Variants in IL15 observed in about 807,000 individuals in gnomAD.
IL15 encodes interleukin 15, also known as interleukin-15.
A neutral mutation model predicts 19.6 loss-of-function variants in IL15; 11 were observed. That is an observed-to-expected ratio of 0.56 (90% confidence interval 0.35 to 0.93). The LOEUF (loss-of-function observed/expected upper bound fraction) is 0.93. Among genes scored for constraint, IL15 ranks in the 40% least tolerant of loss-of-function variants. IL15 has a pLI of 0.01. For missense variants in IL15, 197 were observed against 186.5 expected (o/e 1.06, Z -0.33); for synonymous variants, 58 against 59.6 (o/e 0.97, Z 0.12).
intron 2 of IL15, 93 bp downstream of exon 2, chr4:141,656,400 A>C (rs148241460): frequency 5.3e-5 from 21 of 395,308 alleles, no homozygotes; most frequent in Non-Finnish European, 4.9e-5. Context: ...AAACAGGTGA[A>C]GTTATATATA....
intron 2 of IL15, among the ~76,000 whole-genome samples, chr4:141,697,136 C>T (rs1171877574): frequency 2.0e-5 from 3 of 151,880 alleles, no homozygotes; most frequent in Admixed American, 1.3e-4. Flanking sequence ...AATTTGTATG[C>T]TTTCAGCTCT....
intron 2 of IL15, among the ~76,000 whole-genome samples, chr4:141,713,187 G>A (rs1729765614): frequency 6.6e-6 from 1 of 152,116 alleles, no homozygotes; most frequent in African/African-American, 2.4e-5. Flanking sequence ...GAAAGCAATT[G>A]CTGAAAATGT....
chr4:141,671,408 C>T (rs1358101923), intron 2 of IL15, among the ~76,000 whole-genome samples: 1 of 152,098 alleles, frequency 6.6e-6, no homozygotes, highest in Non-Finnish European at 1.5e-5. Context: ...TTCTGAATCT[C>T]GTGATTTAAA....
Position 141,721,981 on chromosome 4 carries a change from T to C in IL15, c.168T>C (p.Asp56=). 1.3e-6 allele frequency: 2 copies of C among 1,592,618 alleles called. No homozygotes were observed. The highest frequency in any genetic ancestry group is 2.3e-5 in the South Asian group (2 of 88,828). ...TEANWVNVIS[D]LKKIEDLIQS... ...CCAACTGGGTGAATGTAATAAGTGATTTGAAAAAAATTGAAGATCTTATTC... is the reference window on the plus strand; with the variant it reads ...CCAACTGGGTGAATGTAATAAGTGACTTGAAAAAAATTGAAGATCTTATTC... The change falls in exon 5 of 8, where the codon GAT becomes GAC. Residue 56 remains aspartate (D), a synonymous_variant. Coordinates refer to ENST00000320650, the MANE Select transcript of IL15 (RefSeq NM_000585.5).
intron 2 of IL15, among the ~76,000 whole-genome samples, chr4:141,679,708 C>G (rs1031283817): frequency 6.6e-6 from 1 of 152,122 alleles, no homozygotes; most frequent in Non-Finnish European, 1.5e-5. Flanking sequence ...GCCAACATGG[C>G]TACACAATGT....
At chr4:141,720,396 T>C (rs1374926134) in intron 3 of IL15, 73 bp from the exon 4 acceptor site, 2 of 757,972 alleles carry the variant, frequency 2.6e-6, no homozygotes, top group African/African-American at 3.5e-5. Context: ...CCTAAAAATA[T>C]GTTGACATGT....
intron 2 of IL15, among the ~76,000 whole-genome samples, chr4:141,678,018 G>A (rs575782961): frequency 6.6e-6 from 1 of 152,226 alleles, no homozygotes; most frequent in South Asian, 2.1e-4. Flanking sequence ...TTCATCAGAG[G>A]GCCTAATTTT....
chr4:141,666,716 T>G (rs1727998826), intron 2 of IL15, among the ~76,000 whole-genome samples: 1 of 151,948 alleles, frequency 6.6e-6, no homozygotes, highest in Non-Finnish European at 1.5e-5. Flanking sequence ...AAACTAAAAA[T>G]ATACTCTCAT....
chr4:141,648,964 G>A (rs189227823), intron 1 of IL15, among the ~76,000 whole-genome samples: 4 of 152,186 alleles, frequency 2.6e-5, no homozygotes, highest in South Asian at 2.1e-4. Context: ...ATAAAAAGAC[G>A]CAGCACATTT....
chr4:141,720,803 G>A, intron 4 of IL15: 1 of 551,522 alleles, frequency 1.8e-6, no homozygotes, highest in Non-Finnish European at 3.2e-6. Context: ...AATAAATTGG[G>A]CCTTTTGATA....
intron 2 of IL15, among the ~76,000 whole-genome samples, chr4:141,703,616 AT>A (rs1000724257): frequency 2.7e-5 from 4 of 147,946 alleles, no homozygotes; most frequent in South Asian, 2.1e-4. Flanking sequence ...GGGAACTTTT[AT>A]TTTTTTTCCT....
At chr4:141,698,097 TA>T (rs1437558017) in intron 2 of IL15, among the ~76,000 whole-genome samples, 2 of 152,278 alleles carry the variant, frequency 1.3e-5, no homozygotes, top group African/African-American at 4.8e-5. Flanking sequence ...GAGATGATCA[TA>T]TGGTTTTTGT....
chr4:141,719,116 T>C, intron 2 of IL15: 1 of 213,730 alleles, frequency 4.7e-6, no homozygotes, highest in Non-Finnish European at 9.2e-6. Flanking sequence ...AAAGCTTTGC[T>C]AAGGCATTGT....
intron 2 of IL15, 34 bp downstream of exon 2, chr4:141,656,341 A>G: frequency 2.5e-6 from 1 of 397,930 alleles, no homozygotes; most frequent in Non-Finnish European, 4.4e-6. Flanking sequence ...ATCATGCAAT[A>G]CAGATACTTT....
At chr4:141,648,474 A>C (rs1349149986) in intron 1 of IL15, among the ~76,000 whole-genome samples, 1 of 152,030 alleles carries the variant, frequency 6.6e-6, no homozygotes, top group Non-Finnish European at 1.5e-5. Context: ...GAGTATTTTG[A>C]GAAGTTATTT....
At chr4:141,650,781 C>T (rs1727377736) in intron 1 of IL15, among the ~76,000 whole-genome samples, 1 of 152,002 alleles carries the variant, frequency 6.6e-6, no homozygotes, top group Non-Finnish European at 1.5e-5. Context: ...GTTACTTAGG[C>T]ACTGGAAGGG....
At chr4:141,659,010 C>G (rs1333691003) in intron 2 of IL15, among the ~76,000 whole-genome samples, 1 of 151,842 alleles carries the variant, frequency 6.6e-6, no homozygotes, top group African/African-American at 2.4e-5. Flanking sequence ...CAGGCGCCTG[C>G]CACCGCGCCT....
chr4:141,680,205 C>T (rs903927544), intron 2 of IL15, among the ~76,000 whole-genome samples: 2 of 152,246 alleles, frequency 1.3e-5, no homozygotes, highest in Middle Eastern at 3.4e-3. Flanking sequence ...GGGAAACTAC[C>T]GATTCCATGT....
intron 2 of IL15, chr4:141,714,554 T>A (rs1321022424): frequency 6.6e-6 from 1 of 152,268 alleles, no homozygotes; most frequent in African/African-American, 2.4e-5. Context: ...TCTGCCTCCA[T>A]CTAACCCCTA....
Sources: gnomAD v4.1 joint callset for allele counts (sites outside exome capture counted in the v4.1 genomes callset) on GRCh38, gnomAD v4.1.1 for gene constraint, MANE v1.5 for transcripts, NCBI Gene and HGNC (gene_info 2026-07-23, HGNC 2026-07-21) for gene names.